MIB1: variants seen among roughly 807,000 people sequenced by gnomAD.
MIB1 encodes the protein E3 ubiquitin-protein ligase MIB1.
MIB1 carries 278 observed loss-of-function variants against 124.5 expected under a neutral mutation model. The ratio of observed to expected loss-of-function variants is 2.23; its 90% confidence interval spans 2.02 to 2.47. The LOEUF is 2.47. MIB1 is among the 30% of genes most tolerant of loss of function. The probability of loss-of-function intolerance (pLI) is 0.00; values close to 1 mark genes in which losing one functional copy is unlikely to be tolerated. For synonymous variants in MIB1, 446 were observed against 429.4 expected (o/e 1.04, Z -0.48); for missense variants, 957 against 1,254.4 (o/e 0.76, Z 3.58).
intron 12 of MIB1, chr18:21,826,829 A>T (rs2041928440): frequency 1.3e-5 from 2 of 152,060 alleles, no homozygotes; most frequent in Non-Finnish European, 1.5e-5. Flanking sequence ...TATGCAAATG[A>T]CTCTTACACT....
chr18:21,740,918 T>C lies in MIB1; in HGVS notation c.-666T>C, dbSNP rs2040840868. 6.6e-6 allele frequency among the ~76,000 whole-genome samples: 1 copy of C among 152,242 alleles called. No individual in the cohort carries two copies. The highest frequency in any genetic ancestry group is 2.4e-5 in the African/African-American group (1 of 41,474). ...CCCCCTCCTAGACACTCTGAGAAGGTGCCGCTCCGGCCTTGGGTACGGCGG... is the reference window on the plus strand; with the variant it reads ...CCCCCTCCTAGACACTCTGAGAAGGCGCCGCTCCGGCCTTGGGTACGGCGG... On this transcript the variant is annotated 5_prime_UTR_variant, in exon 1 of 21. Transcript: ENST00000261537.
At chr18:21,753,171 C>T (rs1481364970) in intron 1 of MIB1, among the ~76,000 whole-genome samples, 1 of 152,098 alleles carries the variant, frequency 6.6e-6, no homozygotes, top group Non-Finnish European at 1.5e-5. Flanking sequence ...TATTTTGTTT[C>T]TCAAAATATT....
At chr18:21,851,605 G>A (rs2042180731) in intron 17 of MIB1, among the ~76,000 whole-genome samples, 1 of 152,104 alleles carries the variant, frequency 6.6e-6, no homozygotes, top group South Asian at 2.1e-4. Context: ...AAACAAGCAT[G>A]GGATCCTTTT....
At chr18:21,762,158 G>T (rs1314748313) in intron 1 of MIB1, among the ~76,000 whole-genome samples, 2 of 152,148 alleles carry the variant, frequency 1.3e-5, no homozygotes, top group Non-Finnish European at 2.9e-5. Context: ...TGTCAAGAAA[G>T]CCAGTCAGAT....
At chr18:21,727,849 C>T (rs1354242929) in intron 1 of MIB1, among the ~76,000 whole-genome samples, 1 of 152,154 alleles carries the variant, frequency 6.6e-6, no homozygotes, top group Non-Finnish European at 1.5e-5. Flanking sequence ...ACGGGTTCTA[C>T]AGCTGCAAGA....
chr18:21,765,768 A>G lies in MIB1; in HGVS notation c.230-4A>G, dbSNP rs2041150032. ...AATCTGAGCATGTGTCCTTGTTTTAATAGGCATCAAGCATGATGGAACCAT... is the reference window on the plus strand; with the variant it reads ...AATCTGAGCATGTGTCCTTGTTTTAGTAGGCATCAAGCATGATGGAACCAT... On this transcript the variant is annotated splice_polypyrimidine_tract_variant and splice_region_variant and intron_variant, in intron 1 of 20. Coordinates refer to ENST00000261537, the MANE Select transcript of MIB1 (RefSeq NM_020774.4). 1 of 1,611,622 alleles carries G rather than the reference A, an allele frequency of 6.2e-7. No individual in the cohort carries two copies. Among genetic ancestry groups the G allele is most frequent in the African/African-American group, 1.3e-5 (1 of 74,990 alleles).
intron 13 of MIB1, among the ~76,000 whole-genome samples, chr18:21,839,131 C>G (rs977598955): frequency 3.3e-4 from 51 of 152,262 alleles, no homozygotes; most frequent in Admixed American, 2.2e-3. Flanking sequence ...AAAGAATTAT[C>G]TGTGATTCCT....
chr18:21,820,596 G>T (rs1024649365), intron 12 of MIB1, among the ~76,000 whole-genome samples: 1 of 151,984 alleles, frequency 6.6e-6, no homozygotes, highest in East Asian at 1.9e-4. Context: ...TTTCCAAATT[G>T]CAAATATTTG....
intron 1 of MIB1, among the ~76,000 whole-genome samples, chr18:21,725,977 CTGTT>C (rs1249875139): frequency 4.9e-4 from 74 of 152,184 alleles, no homozygotes; most frequent in Non-Finnish European, 1.3e-4. Flanking sequence ...AACACCCTGT[CTGTT>C]AACTCTCAAA....
At chr18:21,757,553 C>T (rs542342181) in intron 1 of MIB1, among the ~76,000 whole-genome samples, 169 of 133,698 alleles carry the variant, frequency 1.3e-3, no homozygotes, top group Non-Finnish European at 5.2e-4. Flanking sequence ...TGTGCGATCT[C>T]GGCTCACTGC....
chr18:21,801,361 A>G (rs886421778), intron 9 of MIB1, among the ~76,000 whole-genome samples: 4 of 152,130 alleles, frequency 2.6e-5, no homozygotes, highest in South Asian at 2.1e-4. Context: ...TTATATTGTA[A>G]TTTTGTTTGG....
intron 7 of MIB1, among the ~76,000 whole-genome samples, chr18:21,792,461 A>T (rs201014126): frequency 6.6e-6 from 1 of 151,734 alleles, no homozygotes; most frequent in African/African-American, 2.4e-5. Flanking sequence ...CATCCTGCCT[A>T]GTCCCTCCTT....
At chr18:21,829,665 C>T (rs140550485) in intron 12 of MIB1, among the ~76,000 whole-genome samples, 101 of 152,112 alleles carry the variant, frequency 6.6e-4, no homozygotes, top group Non-Finnish European at 1.0e-3. Flanking sequence ...GATAAGAACT[C>T]GTGATCATTT....
chr18:21,759,756 TG>T (rs1189420497), intron 1 of MIB1, among the ~76,000 whole-genome samples: 1 of 152,234 alleles, frequency 6.6e-6, no homozygotes, highest in Admixed American at 6.5e-5. Flanking sequence ...GCACTTCATA[TG>T]TATTTAACTG....
rs2042313566 is a variant in MIB1 at position 21,865,469 on chromosome 18, C to T, written c.*803C>T. 1 of 151,750 alleles carries T rather than the reference C, an allele frequency of 6.6e-6. No homozygotes were observed. Among genetic ancestry groups the T allele is most frequent in the African/African-American group, 2.4e-5 (1 of 41,350 alleles). The allele number at this position is 151,750 out of a possible 1,614,324, so 9.4% of individuals were successfully genotyped here. On this transcript the variant is annotated 3_prime_UTR_variant, in exon 21 of 21. Coordinates refer to ENST00000261537, the MANE Select transcript of MIB1 (RefSeq NM_020774.4). ...ACATTAATTTATACACTATTTTGTT[C>T]AGCCAGTGTTTTTAAAAAAAATCTA...
rs1484712437 is a variant in MIB1, at chr18:21,781,369, A to ATATATG, written c.908+1689_908+1690insGTATAT. 1.1e-3 allele frequency among the ~76,000 whole-genome samples: 12 copies of ATATATG among 10,510 alleles called. No individual in the cohort carries two copies. In the East Asian group the frequency reaches 0.024, roughly 21 times the overall value. 6.9% of individuals were successfully genotyped at this position (10,510 alleles called of 152,430 possible). The stretch of plus-strand genomic sequence containing the variant: ...CTCATTATTGGTCTGTTCAAGTTAT[A>ATATATG]TATATATATATATATATATATATAT... On this transcript the variant is annotated intron_variant, in intron 6 of 20. Transcript: ENST00000261537.
At chr18:21,720,871 C>T (rs2040711332) in intron 1 of MIB1, among the ~76,000 whole-genome samples, 1 of 152,100 alleles carries the variant, frequency 6.6e-6, no homozygotes, top group Non-Finnish European at 1.5e-5. Context: ...AGGAGGATTG[C>T]TTCAACACAG....
At chr18:21,814,025 T>C (rs1028670630) in intron 10 of MIB1, among the ~76,000 whole-genome samples, 2 of 152,238 alleles carry the variant, frequency 1.3e-5, no homozygotes, top group Admixed American at 6.5e-5. Flanking sequence ...TGGTATAAGC[T>C]ATGTATACTA....
At position 21,791,678 on chromosome 18, in the gene MIB1, C is replaced by T. The variant is rs78582272; in HGVS notation, c.1092+121C>T. 11,018 of 707,794 alleles carry T rather than the reference C, an allele frequency of 0.016. 114 individuals carry two copies. Among genetic ancestry groups the T allele is most frequent in the Non-Finnish European group, 0.019 (8,742 of 449,572 alleles). 43.8% of individuals were successfully genotyped at this position (707,794 alleles called of 1,614,324 possible). On this transcript the variant is annotated intron_variant, in intron 7 of 20. Transcript: ENST00000261537. Reference sequence around the variant, plus strand: ...TTCTTAGAATTGTACTCTCCATTTGCACCTAGACATACTCGTGCATTTTGT... The same window carrying T: ...TTCTTAGAATTGTACTCTCCATTTGTACCTAGACATACTCGTGCATTTTGT...
Sources: allele counts gnomAD v4.1 joint callset (sites outside exome capture counted in the v4.1 genomes callset), GRCh38; gene constraint gnomAD v4.1.1; transcripts MANE v1.5; gene names NCBI Gene and HGNC (gene_info 2026-07-23, HGNC 2026-07-21).